WAC: variants seen among roughly 807,000 people sequenced by gnomAD.
WAC encodes WW domain-containing adapter protein with coiled-coil.
Under a neutral mutation model 79.6 loss-of-function variants are expected in WAC, and 11 were observed. The observed-to-expected ratio is 0.14, with a 90% CI of 0.09 to 0.23. The LOEUF (loss-of-function observed/expected upper bound fraction) is 0.23. Ranked by LOEUF, WAC falls within the 10% of genes least tolerant of loss-of-function variation. The pLI is 1.00. For synonymous variants in WAC, 304 were observed against 276.9 expected (o/e 1.10, Z -0.97); for missense variants, 728 against 773.5 (o/e 0.94, Z 0.70).
At chr10:28,611,667 G>T (rs747287724) in intron 9 of WAC, 107 bp from the exon 10 acceptor site, 53 of 1,396,560 alleles carry the variant, frequency 3.8e-5, no homozygotes, top group Admixed American at 1.3e-4. Flanking sequence ...ATGGGGGTGG[G>T]GGGGTTTAGA....
chr10:28,601,279 A>G lies in WAC; in HGVS notation c.919+5238A>G, dbSNP rs577679067. ...TCGAATAAACATTTCTGCAAAGAAG[A>G]TATCCTGGTGGCCAGTAAGCACATG... On this transcript the variant is annotated intron_variant, in intron 7 of 13. Transcript: ENST00000354911. Among the ~76,000 whole-genome samples, 4 of 152,286 alleles carry G rather than the reference A, an allele frequency of 2.6e-5. No homozygotes were observed. In the East Asian group the frequency reaches 5.8e-4, roughly 22 times the overall value.
chr10:28,579,663 C>G (rs1479604817), intron 3 of WAC, among the ~76,000 whole-genome samples: 1 of 152,100 alleles, frequency 6.6e-6, no homozygotes, highest in Non-Finnish European at 1.5e-5. Context: ...CCACCATTAC[C>G]CCAGCCTTGG....
chr10:28,595,420 ATT>A (rs34089783), intron 6 of WAC, among the ~76,000 whole-genome samples: 34,038 of 149,082 alleles, frequency 0.23, 4,622 homozygotes, highest in Non-Finnish European at 0.28. Flanking sequence ...CCATATGTTG[ATT>A]TTTTTTTTTT....
chr10:28,574,096 A>C (rs895120677), intron 3 of WAC, among the ~76,000 whole-genome samples: 5 of 142,908 alleles, frequency 3.5e-5, no homozygotes, highest in African/African-American at 1.3e-4. Flanking sequence ...TTTTCTTGTC[A>C]ATTGGTAAAC....
At chr10:28,591,415 A>G (rs530140223) in intron 6 of WAC, 3 of 152,444 alleles carry the variant, frequency 2.0e-5, no homozygotes, top group Non-Finnish European at 2.9e-5. Context: ...CTCTTCATCT[A>G]TAAAACCGTG....
At chr10:28,619,007 G>T (rs978135895) in intron 13 of WAC, among the ~76,000 whole-genome samples, 2 of 152,218 alleles carry the variant, frequency 1.3e-5, no homozygotes, top group African/African-American at 2.4e-5. Flanking sequence ...GGCTGGGCGC[G>T]GTGGCTAACG....
chr10:28,591,231 A>C (rs332153), intron 6 of WAC: 1 of 180,176 alleles, frequency 5.6e-6, no homozygotes. Flanking sequence ...AGCTACACAC[A>C]GTGACACCAG....
chr10:28,541,917 G>A (rs1837074212), intron 3 of WAC, among the ~76,000 whole-genome samples: 2 of 152,214 alleles, frequency 1.3e-5, no homozygotes, highest in African/African-American at 2.4e-5. Context: ...CCACACAGTA[G>A]CCAGAGTGAT....
chr10:28,535,640 TCAC>T lies in WAC; in HGVS notation c.163_165del (p.Pro55del). On this transcript the variant is annotated inframe_deletion, in exon 3 of 14. Coordinates refer to ENST00000354911, the MANE Select transcript of WAC (RefSeq NM_016628.5). ...AAAGATGCGAGACGCCGGAGATCCT[TCAC>T]CACCAAATAAAATGTTGCGGAGATC... 1 of 1,614,084 alleles carries T rather than the reference TCAC, an allele frequency of 6.2e-7. No homozygotes were observed. The highest frequency in any genetic ancestry group is 8.5e-7 in the Non-Finnish European group (1 of 1,179,996).
At chr10:28,576,674 GCTTGTTTTCAGATGTTAGACAGTT>G (rs1383575373) in intron 3 of WAC, among the ~76,000 whole-genome samples, 1 of 152,148 alleles carries the variant, frequency 6.6e-6, no homozygotes, top group Non-Finnish European at 1.5e-5. Flanking sequence ...ATTATAAGCA[GCTTGTTTTCAGATGTTAGACAGTT>G]CTTTGGGAGA....
Position 28,538,846 on chromosome 10 carries a change from T to C in WAC, c.274+3089T>C, listed in dbSNP as rs575491501. Among the ~76,000 whole-genome samples, 9 of 138,604 alleles carry C rather than the reference T, an allele frequency of 6.5e-5. No individual in the cohort carries two copies. In the South Asian group the frequency reaches 2.0e-3, roughly 31 times the overall value. 90.9% of individuals were successfully genotyped at this position (138,604 alleles called of 152,430 possible). A position where few individuals can be genotyped will look rare whatever the true frequency, so the allele number is the denominator to read the frequency against. ...GCCACCACACTCTAACCTGGGTTGA[T>C]AGAGTGAGACCCGTCTGTTTAAAAA... On this transcript the variant is annotated intron_variant, in intron 3 of 13. Transcript: ENST00000354911.
rs538488564 is a variant in WAC at position 28,581,466 on chromosome 10, G to T, written c.275-1933G>T. ...TCTAGATTCCCACATGTCTGTCAAG[G>T]GCCAGCTGTGCCAGAAAGCCTTTCT... is the stretch of plus-strand genomic sequence containing the variant. On this transcript the variant is annotated intron_variant, in intron 3 of 13. Transcript: ENST00000354911. Among the ~76,000 whole-genome samples the T allele has an allele frequency of 2.0e-4, 31 of 151,912 alleles. No homozygotes were observed. The South Asian group carries it at 2.5e-3, about 12-fold the overall frequency.
rs571612302 is a variant in WAC, at chr10:28,607,015, C to T, written c.920-1171C>T. On this transcript the variant is annotated intron_variant, in intron 7 of 13. Transcript: ENST00000354911. ...TGCTTTATTTTACATTGTCCTGATT[C>T]TGAATGAAGTTGAGCATCTTTTCTT... is the stretch of plus-strand genomic sequence containing the variant. 3.5e-4 allele frequency among the ~76,000 whole-genome samples: 53 copies of T among 152,254 alleles called. No individual in the cohort carries two copies. In the East Asian group the frequency reaches 6.8e-3, roughly 19 times the overall value.
intron 4 of WAC, among the ~76,000 whole-genome samples, chr10:28,583,874 A>G (rs1394807590): frequency 1.3e-5 from 2 of 152,138 alleles, no homozygotes. Context: ...CTTATAGGAT[A>G]CATTTATTAT....
chr10:28,559,136 A>ATATGTGTGTGTGTGTGTG lies in WAC; in HGVS notation c.274+23380_274+23381insATGTGTGTGTGTGTGTGT, dbSNP rs1554780979. On this transcript the variant is annotated intron_variant, in intron 3 of 13. Transcript: ENST00000354911. ...TAAATCTCTGCTCTCGAGAAACCTG[A>ATATGTGTGTGTGTGTGTG]TGTGTGTGTGTGTGTGTGTGTGTGT... 3.4e-5 allele frequency among the ~76,000 whole-genome samples: 5 copies of ATATGTGTGTGTGTGTGTG among 146,660 alleles called. No individual in the cohort carries two copies. The East Asian group carries it at 6.1e-4, about 18-fold the overall frequency.
intron 7 of WAC, among the ~76,000 whole-genome samples, chr10:28,598,750 G>A (rs1031475942): frequency 2.0e-5 from 3 of 152,176 alleles, no homozygotes; most frequent in African/African-American, 7.2e-5. Flanking sequence ...GCACATCTAT[G>A]TCAGTTCGGA....
intron 4 of WAC, among the ~76,000 whole-genome samples, chr10:28,588,379 C>T (rs959080036): frequency 6.6e-6 from 1 of 152,146 alleles, no homozygotes; most frequent in Admixed American, 6.5e-5. Context: ...TAAACCTGAG[C>T]ATATAAATAC....
Position 28,533,489 on chromosome 10 carries a change from C to G in WAC, c.-91C>G. On this transcript the variant is annotated 5_prime_UTR_variant, in exon 1 of 14. Transcript: ENST00000354911. ...GCCGGGCCCAGGTGCCGGGGCTGCC[C>G]GCCGCCCGCCGCCGCCGCCGCCTGC... The G allele has an allele frequency of 2.4e-6, 2 of 825,412 alleles. No homozygotes were observed. Among genetic ancestry groups the G allele is most frequent in the Non-Finnish European group, 3.0e-6 (2 of 671,084 alleles). The allele number at this position is 825,412 out of a possible 1,614,324, so 51.1% of individuals were successfully genotyped here. A position where few individuals can be genotyped will look rare whatever the true frequency, so the allele number is the denominator to read the frequency against.
At chr10:28,599,971 TTAAACCTGCTC>T (rs1265726363) in intron 7 of WAC, among the ~76,000 whole-genome samples, 2 of 152,180 alleles carry the variant, frequency 1.3e-5, no homozygotes, top group African/African-American at 4.8e-5. Flanking sequence ...AATGGCCATT[TTAAACCTGCTC>T]TAACTCTGCC....
Sources: gnomAD v4.1 joint callset for allele counts (sites outside exome capture counted in the v4.1 genomes callset) on GRCh38, gnomAD v4.1.1 for gene constraint, MANE v1.5 for transcripts, NCBI Gene and HGNC (gene_info 2026-07-23, HGNC 2026-07-21) for gene names.